The following PHKB variants were observed in gnomAD, a reference collection of about 807,000 sequenced individuals.
The protein encoded by PHKB is phosphorylase kinase regulatory subunit beta, also known as phosphorylase b kinase regulatory subunit beta.
A neutral mutation model predicts 152.1 loss-of-function variants in PHKB; 122 were observed. The observed-to-expected ratio is 0.80, with a 90% CI of 0.69 to 0.93. The LOEUF (loss-of-function observed/expected upper bound fraction) is 0.93. Ranked by LOEUF, PHKB falls within the 40% of genes least tolerant of loss-of-function variation. PHKB has a pLI of 0.00. For synonymous variants in PHKB, 436 were observed against 464.9 expected (o/e 0.94, Z 0.80); for missense variants, 1,304 against 1,328.4 (o/e 0.98, Z 0.29).
chr16:47,477,433 T>G (rs1969887407), intron 1 of PHKB, among the ~76,000 whole-genome samples: 1 of 152,196 alleles, frequency 6.6e-6, no homozygotes, highest in Non-Finnish European at 1.5e-5. Flanking sequence ...GAATGAACTT[T>G]CCAGCACTAT....
intron 1 of PHKB, chr16:47,464,113 G>C: frequency 1.3e-6 from 1 of 746,284 alleles, no homozygotes; most frequent in Non-Finnish European, 2.4e-6. Context: ...GCCCAGGCCT[G>C]AGTACCCGGC....
intron 26 of PHKB, chr16:47,675,965 G>A (rs543256604): frequency 6.6e-6 from 1 of 152,260 alleles, no homozygotes; most frequent in Admixed American, 6.5e-5. Flanking sequence ...AGATACTTTT[G>A]TGTCTTCTAT....
chr16:47,467,151 T>A (rs1969682937), intron 1 of PHKB, among the ~76,000 whole-genome samples: 1 of 152,228 alleles, frequency 6.6e-6, no homozygotes, highest in Non-Finnish European at 1.5e-5. Flanking sequence ...TATGTGTCTT[T>A]TACAATATTG....
chr16:47,548,755 G>A (rs1971219706), intron 7 of PHKB, among the ~76,000 whole-genome samples: 1 of 152,124 alleles, frequency 6.6e-6, no homozygotes, highest in African/African-American at 2.4e-5. Flanking sequence ...ATCACTAGCT[G>A]TGTAACCCTC....
intron 5 of PHKB, among the ~76,000 whole-genome samples, chr16:47,514,560 G>C (rs565312650): frequency 1.3e-4 from 20 of 152,264 alleles, no homozygotes; most frequent in Middle Eastern, 3.4e-3. Context: ...CAGTCAATTG[G>C]GTGGCACCTG....
intron 26 of PHKB, among the ~76,000 whole-genome samples, chr16:47,687,735 A>G (rs1467311352): frequency 6.6e-6 from 1 of 152,180 alleles, no homozygotes; most frequent in Non-Finnish European, 1.5e-5. Flanking sequence ...TAAACTCCCA[A>G]CTTCCAGAAA....
chr16:47,567,782 A>T (rs138546398), intron 7 of PHKB, among the ~76,000 whole-genome samples: 1 of 152,320 alleles, frequency 6.6e-6, no homozygotes, highest in African/African-American at 2.4e-5. Context: ...CTTTTTCCGC[A>T]TCTTTTAAAA....
intron 18 of PHKB, among the ~76,000 whole-genome samples, chr16:47,650,165 A>G (rs529395597): frequency 9.9e-5 from 15 of 152,134 alleles, no homozygotes; most frequent in Non-Finnish European, 1.8e-4. Flanking sequence ...TAATCCCAGC[A>G]CTTTGGGAGG....
chr16:47,612,836 A>T (rs943022040), intron 14 of PHKB, among the ~76,000 whole-genome samples: 2 of 152,214 alleles, frequency 1.3e-5, no homozygotes, highest in Non-Finnish European at 2.9e-5. Flanking sequence ...TTTAAGCAGT[A>T]GGCAAGACCT....
intron 6 of PHKB, among the ~76,000 whole-genome samples, chr16:47,534,597 T>A (rs530306226): frequency 1.3e-5 from 2 of 152,272 alleles, no homozygotes; most frequent in African/African-American, 2.4e-5. Context: ...AATGCTGAAA[T>A]TAGTACATAA....
At chr16:47,562,300 G>A (rs909161357) in intron 7 of PHKB, 2 of 152,290 alleles carry the variant, frequency 1.3e-5, no homozygotes, top group African/African-American at 4.8e-5. Flanking sequence ...CAGCCCAAGA[G>A]AAGGGACCTC....
At chr16:47,674,154 ATT>A (rs554386378) in intron 26 of PHKB, among the ~76,000 whole-genome samples, 1 of 142,978 alleles carries the variant, frequency 7.0e-6, no homozygotes, top group African/African-American at 2.6e-5. Context: ...CAGATGCCAG[ATT>A]TTTTTTTTTT....
intron 26 of PHKB, among the ~76,000 whole-genome samples, chr16:47,674,773 C>T (rs964464771): frequency 2.0e-4 from 30 of 152,124 alleles, no homozygotes; most frequent in Admixed American, 7.9e-4. Flanking sequence ...ATGCACTGAA[C>T]CCTTGGTACT....
chr16:47,643,732 G>T (rs1002833064), intron 16 of PHKB, among the ~76,000 whole-genome samples: 1 of 152,228 alleles, frequency 6.6e-6, no homozygotes, highest in Non-Finnish European at 1.5e-5. Context: ...TTATGCCAGC[G>T]GTTGCTCCCT....
chr16:47,557,947 C>A (rs540216057), intron 7 of PHKB, among the ~76,000 whole-genome samples: 1 of 151,952 alleles, frequency 6.6e-6, no homozygotes, highest in Non-Finnish European at 1.5e-5. Flanking sequence ...ATGTTTATTG[C>A]GGTACTATTC....
At chr16:47,668,541 C>G (rs1973579633) in intron 25 of PHKB, among the ~76,000 whole-genome samples, 1 of 152,160 alleles carries the variant, frequency 6.6e-6, no homozygotes, top group Admixed American at 6.5e-5. Flanking sequence ...GAGAGACCAG[C>G]TTATTCCCCT....
At chr16:47,539,807 C>T (rs948302012) in intron 6 of PHKB, among the ~76,000 whole-genome samples, 5 of 152,068 alleles carry the variant, frequency 3.3e-5, no homozygotes, top group Non-Finnish European at 7.4e-5. Context: ...TCTCTTAATC[C>T]TGTTGTCTTT....
At chr16:47,485,181 ATAAT>A (rs958381012) in intron 1 of PHKB, among the ~76,000 whole-genome samples, 3 of 152,194 alleles carry the variant, frequency 2.0e-5, no homozygotes, top group Non-Finnish European at 2.9e-5. Flanking sequence ...TGAAGGTGTC[ATAAT>A]TTATTTATTT....
At chr16:47,647,312 C>T (rs185320107) in intron 16 of PHKB, among the ~76,000 whole-genome samples, 31 of 152,020 alleles carry the variant, frequency 2.0e-4, no homozygotes, top group Middle Eastern at 3.4e-3. Context: ...TTAGTAGAGA[C>T]CGGGTTTCAC....
Sources: allele counts gnomAD v4.1 joint callset (sites outside exome capture counted in the v4.1 genomes callset), GRCh38; gene constraint gnomAD v4.1.1; transcripts MANE v1.5; gene names NCBI Gene and HGNC (gene_info 2026-07-23, HGNC 2026-07-21).